The following AK5 variants were observed in gnomAD, a reference collection of about 807,000 sequenced individuals.
AK5 encodes adenylate kinase 5.
Under a neutral mutation model 69.5 loss-of-function variants are expected in AK5, and 27 were observed. That is an observed-to-expected ratio of 0.39 (90% CI 0.29 to 0.54). AK5 has a LOEUF of 0.54. Among genes scored for constraint, AK5 ranks in the 20% least tolerant of loss-of-function variants. The pLI is 0.71. For missense variants in AK5, 531 were observed against 700.4 expected (o/e 0.76, Z 2.73); for synonymous variants, 260 against 244.4 (o/e 1.06, Z -0.60).
chr1:77,536,300 A>G (rs142184163), intron 13 of AK5, among the ~76,000 whole-genome samples: 8 of 152,250 alleles, frequency 5.3e-5, no homozygotes, highest in Admixed American at 2.0e-4. Context: ...TGCCTCTGCA[A>G]AAAATTAGCT....
intron 10 of AK5, among the ~76,000 whole-genome samples, chr1:77,498,596 G>C (rs1026166782): frequency 6.6e-6 from 1 of 152,160 alleles, no homozygotes; most frequent in African/African-American, 2.4e-5. Context: ...AGTATTGATT[G>C]TGTCTAGGTC....
At chr1:77,282,630 CT>C in intron 1 of AK5, 1 of 1,246,908 alleles carries the variant, frequency 8.0e-7, no homozygotes, top group Non-Finnish European at 1.0e-6. Context: ...TGAAAGCAGC[CT>C]GCTCCCATCG....
At chr1:77,351,791 A>G (rs2100413381) in intron 6 of AK5, among the ~76,000 whole-genome samples, 1 of 152,240 alleles carries the variant, frequency 6.6e-6, no homozygotes, top group South Asian at 2.1e-4. Flanking sequence ...TAGCTTTACA[A>G]CCTCTGATGT....
chr1:77,449,083 C>CT (rs1002442819), intron 8 of AK5, among the ~76,000 whole-genome samples: 6 of 152,216 alleles, frequency 3.9e-5, no homozygotes, highest in Admixed American at 3.9e-4. Flanking sequence ...CACAGAGTCC[C>CT]TACTGGGGCA....
chr1:77,318,229 G>A (rs138191542), intron 5 of AK5, among the ~76,000 whole-genome samples: 218 of 152,190 alleles, frequency 1.4e-3, no homozygotes, highest in South Asian at 2.9e-3. Context: ...AGGGGTAGAT[G>A]GCACTTCACA....
intron 10 of AK5, among the ~76,000 whole-genome samples, chr1:77,508,168 A>T (rs549112991): frequency 1.4e-4 from 22 of 152,346 alleles, no homozygotes; most frequent in African/African-American, 5.1e-4. Context: ...GATCCCAAGC[A>T]TTTCAGATAA....
intron 10 of AK5, among the ~76,000 whole-genome samples, chr1:77,512,229 ATGTG>A (rs1185363812): frequency 1.3e-5 from 2 of 151,902 alleles, no homozygotes; most frequent in Admixed American, 6.6e-5. Context: ...ATATATACGT[ATGTG>A]TGTGTGTGTG....
intron 12 of AK5, among the ~76,000 whole-genome samples, chr1:77,531,677 AG>A (rs561087182): frequency 6.6e-6 from 1 of 152,200 alleles, no homozygotes; most frequent in South Asian, 2.1e-4. Flanking sequence ...AGTCCCCACC[AG>A]ACTCAGGAGC....
chr1:77,357,992 AGTGT>A (rs10643921), intron 6 of AK5, among the ~76,000 whole-genome samples: 3 of 121,090 alleles, frequency 2.5e-5, no homozygotes, highest in African/African-American at 5.9e-5. Context: ...TATGGAGAGT[AGTGT>A]GTGTGTGTGT....
rs72934354 is a variant in AK5, at chr1:77,513,782, C to T, written c.1148-4782C>T. Among the ~76,000 whole-genome samples, 835 of 152,252 alleles carry T rather than the reference C, an allele frequency of 5.5e-3. 8 individuals carry two copies. The highest frequency in any genetic ancestry group is 0.031 in the Middle Eastern group (9 of 294). On this transcript the variant is annotated intron_variant, in intron 10 of 13. Transcript: ENST00000354567. ...TTGAACCTGGGAGGCGGAGGCTGGT[C>T]CTTATCTTAAGGAGTCCAGCTCAGG...
chr1:77,350,436 C>A (rs995447469), intron 6 of AK5, among the ~76,000 whole-genome samples: 2 of 152,122 alleles, frequency 1.3e-5, no homozygotes, highest in Non-Finnish European at 2.9e-5. Context: ...AAGTGCTAGG[C>A]TAAGGAGGAA....
chr1:77,369,200 G>T (rs1647074406), intron 6 of AK5, among the ~76,000 whole-genome samples: 1 of 152,080 alleles, frequency 6.6e-6, no homozygotes, highest in South Asian at 2.1e-4. Flanking sequence ...CAAGTTCAGG[G>T]AGGCTAAATA....
chr1:77,475,418 C>CGAA (rs5775405), intron 8 of AK5, among the ~76,000 whole-genome samples: 1 of 82,018 alleles, frequency 1.2e-5, no homozygotes, highest in Non-Finnish European at 2.3e-5. Context: ...TATATATATA[C>CGAA]TATATATTAT....
At chr1:77,527,437 T>C (rs138865763) in intron 12 of AK5, among the ~76,000 whole-genome samples, 2 of 152,274 alleles carry the variant, frequency 1.3e-5, no homozygotes, top group African/African-American at 4.8e-5. Context: ...AGACCGGTTT[T>C]AGAATGTGGC....
At chr1:77,450,174 C>T (rs1310422968) in intron 8 of AK5, among the ~76,000 whole-genome samples, 2 of 152,160 alleles carry the variant, frequency 1.3e-5, no homozygotes, top group Admixed American at 1.3e-4. Context: ...CCTTGTTGTT[C>T]GTATCACTAT....
Position 77,417,637 on chromosome 1 carries a change from A to G in AK5, c.983-2A>G, listed in dbSNP as rs1471214872. The G allele has an allele frequency of 2.5e-6, 4 of 1,596,368 alleles. No individual in the cohort carries two copies. The highest frequency in any genetic ancestry group is 3.4e-6 in the Non-Finnish European group (4 of 1,165,032). On this transcript the variant is annotated splice_acceptor_variant, in intron 7 of 13. Coordinates refer to ENST00000354567, the MANE Select transcript of AK5 (RefSeq NM_174858.3). LOFTEE classifies it high-confidence loss of function. The stretch of plus-strand genomic sequence containing the variant: ...CACTTATCTTTTCTTTCCTAATCTT[A>G]GGTTCAAGTGACCTTGATCCTTCGA...
At chr1:77,528,369 CTG>C (rs1469115070) in intron 12 of AK5, among the ~76,000 whole-genome samples, 2 of 152,128 alleles carry the variant, frequency 1.3e-5, no homozygotes, top group Non-Finnish European at 2.9e-5. Flanking sequence ...ACCAGCCTTT[CTG>C]TGTCACCGAG....
intron 6 of AK5, among the ~76,000 whole-genome samples, chr1:77,388,902 A>G (rs1648232598): frequency 6.6e-6 from 1 of 152,192 alleles, no homozygotes; most frequent in South Asian, 2.1e-4. Context: ...CAAATGAAGG[A>G]AGCAAATTCA....
intron 13 of AK5, among the ~76,000 whole-genome samples, chr1:77,541,669 G>A (rs144634942): frequency 0.01 from 1,577 of 152,294 alleles, 15 homozygotes; most frequent in Non-Finnish European, 0.018. Flanking sequence ...CCTAGAAGGC[G>A]TGTGGGATCA....
Sources: gnomAD v4.1 joint callset for allele counts (sites outside exome capture counted in the v4.1 genomes callset) on GRCh38, gnomAD v4.1.1 for gene constraint, MANE v1.5 for transcripts, NCBI Gene and HGNC (gene_info 2026-07-23, HGNC 2026-07-21) for gene names.